The following CD74 variants were observed in gnomAD, a reference collection of about 807,000 sequenced individuals.
CD74 encodes the protein HLA class II histocompatibility antigen gamma chain.
Under a neutral mutation model 37.1 loss-of-function variants are expected in CD74, and 20 were observed. The ratio of observed to expected loss-of-function variants is 0.54; its 90% CI spans 0.38 to 0.78. The LOEUF is 0.78. Ranked by LOEUF, CD74 falls within the 30% of genes least tolerant of loss-of-function variation. The pLI is 0.00. For synonymous variants in CD74, 150 were observed against 152.0 expected, an observed-to-expected ratio of 0.99 and a Z score of 0.10; for missense variants, 338 against 389.5, an observed-to-expected ratio of 0.87 and a Z score of 1.11.
At chr5:150,408,613 C>T (rs1204936800) in intron 1 of CD74, among the ~76,000 whole-genome samples, 1 of 152,160 alleles carries the variant, frequency 6.6e-6, no homozygotes, top group East Asian at 1.9e-4. Flanking sequence ...TCCAGACCCT[C>T]GGACCTCAGC....
At chr5:150,412,505 T>G in intron 1 of CD74, 120 bp downstream of exon 1, 3 of 759,710 alleles carry the variant, frequency 3.9e-6, no homozygotes, top group Non-Finnish European at 4.4e-6. Flanking sequence ...AAAAAGTCAA[T>G]GTTAGAGTCA....
In CD74 at chr5:150,407,713, G is replaced by A. The variant is rs1770066206; in HGVS notation, c.126-389C>T. Among the ~76,000 whole-genome samples the A allele has an allele frequency of 1.3e-5, 2 of 152,116 alleles. No homozygotes were observed. The highest frequency in any genetic ancestry group is 4.1e-4 in the South Asian group (2 of 4,822). ...GCCGTGCGGATCTCCTGATGATCAG[G>A]GCTGCCCTCAAGGGGAACAGGTTTG... On this transcript the variant is annotated intron_variant, in intron 1 of 8. Coordinates refer to ENST00000009530, the MANE Select transcript of CD74 (RefSeq NM_001025159.3). The surrounding 1 kb of genome is among the most constrained non-coding windows in gnomAD (Gnocchi z 4.4).
At chr5:150,404,163 CAA>C (rs921497061) in intron 6 of CD74, among the ~76,000 whole-genome samples, 2 of 152,124 alleles carry the variant, frequency 1.3e-5, no homozygotes, top group Non-Finnish European at 2.9e-5. Context: ...GGGACTTGTC[CAA>C]AGTTACATAG....
intron 1 of CD74, among the ~76,000 whole-genome samples, chr5:150,410,710 A>C (rs2151185232): frequency 6.6e-6 from 1 of 151,186 alleles, no homozygotes; most frequent in Non-Finnish European, 1.5e-5. Flanking sequence ...CAAAGTCAGG[A>C]GCCAACCAGA....
Position 150,406,955 on chromosome 5 carries a change from TG to T in CD74, c.303del (p.Lys102SerfsTer3). 1 of 1,569,902 alleles carries T rather than the reference TG, an allele frequency of 6.4e-7. No homozygotes were observed. Among genetic ancestry groups the T allele is most frequent in the Non-Finnish European group, 8.6e-7 (1 of 1,164,752 alleles). ...ENLRMKLPKPPKPVSKMRMAT... is the reference protein window; with the variant it reads ...ENLRMKLPKPXKPVSKMRMAT... ...GCCATGCGCATCTTGCTCACAGGCTTGGGAGCTGTGGGGACAGGAACGAGGG... is the reference window on the plus strand; with the variant it reads ...GCCATGCGCATCTTGCTCACAGGCTTGGAGCTGTGGGGACAGGAACGAGGG... On this transcript the variant is annotated frameshift_variant, in exon 3 of 9. Transcript: ENST00000009530. LOFTEE classifies it high-confidence loss of function.
intron 4 of CD74, 120 bp downstream of exon 4, chr5:150,406,139 G>T: frequency 1.3e-6 from 1 of 775,530 alleles, no homozygotes; most frequent in Non-Finnish European, 2.3e-6. Context: ...CTTGTATTCA[G>T]TAATCCAGAG....
At position 150,407,138 on chromosome 5, in the gene CD74, A is replaced by AG; in HGVS notation, c.298+13dup. The AG allele has an allele frequency of 6.2e-7, 1 of 1,610,242 alleles. No individual in the cohort carries two copies. The highest frequency in any genetic ancestry group is 8.5e-7 in the Non-Finnish European group (1 of 1,177,904). On this transcript the variant is annotated intron_variant, in intron 2 of 8. Coordinates refer to ENST00000009530, the MANE Select transcript of CD74 (RefSeq NM_001025159.3). The surrounding 1 kb of genome is among the most constrained non-coding windows in gnomAD (Gnocchi z 4.4). The stretch of plus-strand genomic sequence containing the variant: ...TGGGAGGTGGGGGGTATCAGGATGT[A>AG]GGGGTGCACGCACGCTTGGGAAGCT...
rs2151167331 is a variant in CD74, at chr5:150,402,598, G to A, written c.845C>T (p.Ser282Phe). The change falls in exon 8 of 9, where the codon TCT (serine) becomes TTT (phenylalanine). Residue 282 changes from serine to phenylalanine, a missense_variant. Physicochemically the swap from Ser to Phe is radical, Grantham distance 155. Transcript: ENST00000009530. This position sits in a 1 kb window ranked among gnomAD's most constrained non-coding sequence, Gnocchi z 4.2. ...SESLELEDPS[S>F]GLGVTKQDLG... is the part of the protein sequence containing the mutation. ...ATCCTGCTTGGTCACACCCAGCCCA[G>A]AAGACGGGTCCTCCAGTTCCAGTGA... 6.2e-7 allele frequency: 1 copy of A among 1,613,206 alleles called. No homozygotes were observed.
rs550497529 is a variant in CD74, at chr5:150,408,739, C to T, written c.126-1415G>A. 1.6e-4 allele frequency among the ~76,000 whole-genome samples: 25 copies of T among 152,292 alleles called. 1 individual carries two copies. Among genetic ancestry groups the T allele is most frequent in the African/African-American group, 4.8e-4 (20 of 41,560 alleles). Reference sequence around the variant, plus strand: ...CAGGAGTTTCTGATCTGTTCTTTGACGACCCCAGGGGTGGGACTACTAAGA... The same window carrying T: ...CAGGAGTTTCTGATCTGTTCTTTGATGACCCCAGGGGTGGGACTACTAAGA... On this transcript the variant is annotated intron_variant, in intron 1 of 8. Coordinates refer to ENST00000009530, the MANE Select transcript of CD74 (RefSeq NM_001025159.3).
chr5:150,403,441 C>T lies in CD74; in HGVS notation c.626-129G>A. ...TCTTCCCAAGTGGCTTTACTCACTC[C>T]AGCCATCACACGGATGGGAAAACTG... is the stretch of plus-strand genomic sequence containing the variant. On this transcript the variant is annotated intron_variant, in intron 6 of 8. Coordinates refer to ENST00000009530, the MANE Select transcript of CD74 (RefSeq NM_001025159.3). The surrounding 1 kb of genome is among the most constrained non-coding windows in gnomAD (Gnocchi z 4.5). The T allele has an allele frequency of 2.5e-6, 2 of 791,386 alleles. No homozygotes were observed. Among genetic ancestry groups the T allele is most frequent in the South Asian group, 3.2e-5 (2 of 62,606 alleles). The allele number at this position is 791,386 out of a possible 1,614,324, so 49.0% of individuals were successfully genotyped here. A position where few individuals can be genotyped will look rare whatever the true frequency, so the allele number is the denominator to read the frequency against.
In CD74 at chr5:150,412,767, C is replaced by G. The variant is rs766648871; in HGVS notation, c.-18G>C. Reference sequence around the variant, plus strand: ...CTGTGCATCTGGGACCCTGACCCCCCGGCTCGCCTCTTAAAGTCGGTGCTG... The same window carrying G: ...CTGTGCATCTGGGACCCTGACCCCCGGGCTCGCCTCTTAAAGTCGGTGCTG... On this transcript the variant is annotated 5_prime_UTR_variant, in exon 1 of 9. Transcript: ENST00000009530. The G allele has an allele frequency of 1.2e-6, 2 of 1,613,548 alleles. No homozygotes were observed. Among genetic ancestry groups the G allele is most frequent in the Non-Finnish European group, 1.7e-6 (2 of 1,179,800 alleles).
In CD74 at chr5:150,402,558, C is replaced by G. The variant is rs1224281885; in HGVS notation, c.880+5G>C. The G allele has an allele frequency of 6.2e-7, 1 of 1,613,758 alleles. No homozygotes were observed. The highest frequency in any genetic ancestry group is 2.2e-5 in the East Asian group (1 of 44,880). On this transcript the variant is annotated splice_donor_5th_base_variant and intron_variant, in intron 8 of 8. Coordinates refer to ENST00000009530, the MANE Select transcript of CD74 (RefSeq NM_001025159.3). The surrounding 1 kb of genome is among the most constrained non-coding windows in gnomAD (Gnocchi z 4.2). ...TGACCAGATGCCCCTCTGCAAGGCC[C>G]TTACCTGGGCCCAGATCCTGCTTGG...
intron 1 of CD74, among the ~76,000 whole-genome samples, chr5:150,409,668 G>C (rs962514552): frequency 1.3e-5 from 2 of 149,988 alleles, no homozygotes; most frequent in Non-Finnish European, 3.0e-5. Flanking sequence ...ATTCCATCCT[G>C]GGGGATAGAG....
Position 150,402,245 on chromosome 5 carries a change from T to C in CD74, c.886A>G (p.Met296Val), listed in dbSNP as rs764784915. The C allele has an allele frequency of 1.9e-6, 3 of 1,600,320 alleles. No homozygotes were observed. Among genetic ancestry groups the C allele is most frequent in the Non-Finnish European group, 2.6e-6 (3 of 1,172,652 alleles). Residue 296 changes from methionine (M) to valine (V), a missense_variant, in exon 9 of 9, where the codon ATG becomes GTG. Physicochemically the swap from Met to Val is conservative, Grantham distance 21. Transcript: ENST00000009530. This position sits in a 1 kb window ranked among gnomAD's most constrained non-coding sequence, Gnocchi z 4.2. ...VTKQDLGPVP[M>V] ...GAAGACCGCCTCTGCTGCTCTCACA[T>C]GGGGACTGGAGAGAGAAGCAGCAGG...
At position 150,412,814 on chromosome 5, in the gene CD74, C is replaced by T. The variant is rs1370193783; in HGVS notation, c.-65G>A. On this transcript the variant is annotated 5_prime_UTR_variant, in exon 1 of 9. In the 5' UTR this introduces an upstream ATG that the reference lacks. Transcript: ENST00000009530. ...GCTGGAGAGGAATCTGATTCGTCCA[C>T]AGAAGGCCACTCCGCCCACTTGGTA... 11 of 1,602,694 alleles carry T rather than the reference C, an allele frequency of 6.9e-6. No homozygotes were observed. Among genetic ancestry groups the T allele is most frequent in the South Asian group, 4.4e-5 (4 of 90,422 alleles).
Position 150,412,638 on chromosome 5 carries a change from C to G in CD74, c.112G>C (p.Gly38Arg). The G allele has an allele frequency of 6.2e-7, 1 of 1,613,244 alleles. No homozygotes were observed. Among genetic ancestry groups the G allele is most frequent in the Non-Finnish European group, 8.5e-7 (1 of 1,179,890 alleles). The change falls in exon 1 of 9, where the codon GGG becomes CGG. Residue 38 changes from glycine (G) to arginine (R), a missense_variant. By Grantham distance (125) the Gly-to-Arg change is moderately radical. Transcript: ENST00000009530. ...EQLPMLGRRPGAPESKCSRGA... is the reference protein window; with the variant it reads ...EQLPMLGRRPRAPESKCSRGA... The stretch of plus-strand genomic sequence containing the variant: ...GCTCACACATACCTCTCCGGGGCCC[C>G]AGGGCGCCGGCCCAGCATGGGCAGT...
rs1020740669 is a variant in CD74, at chr5:150,412,901, G to A, written c.-152C>T. ...CCACTTTGGTGAAGCTGCCTTTTGC[G>A]GGGCAGGATGTGGGGCGGGGGGGCT... On this transcript the variant is annotated 5_prime_UTR_variant, in exon 1 of 9. Transcript: ENST00000009530. The A allele has an allele frequency of 5.3e-5, 80 of 1,508,964 alleles. 1 individual carries two copies. Among genetic ancestry groups the A allele is most frequent in the Non-Finnish European group, 6.0e-5 (68 of 1,132,142 alleles). The allele number at this position is 1,508,964 out of a possible 1,614,324, so 93.5% of individuals were successfully genotyped here. A position where few individuals can be genotyped will look rare whatever the true frequency, so the allele number is the denominator to read the frequency against.
rs1296765584 is a variant in CD74, at chr5:150,407,285, G to T, written c.165C>A (p.Ile55=). 1.2e-6 allele frequency: 2 copies of T among 1,612,772 alleles called. No individual in the cohort carries two copies. Among genetic ancestry groups the T allele is most frequent in the Non-Finnish European group, 1.7e-6 (2 of 1,179,494 alleles). ...SRGALYTGFS[I]LVTLLLAGQA... ...GGCCAGCGAGGAGCAGAGTCACCAG[G>T]ATGGAAAAGCCTGTGTACAGGGCTC... Residue 55 remains isoleucine (I), a synonymous_variant, in exon 2 of 9, where the codon ATC becomes ATA. Transcript: ENST00000009530. This position sits in a 1 kb window ranked among gnomAD's most constrained non-coding sequence, Gnocchi z 4.4.
intron 6 of CD74, chr5:150,404,421 C>T (rs1320271025): frequency 4.0e-6 from 2 of 500,492 alleles, no homozygotes; most frequent in Non-Finnish European, 7.3e-6. Context: ...AGAGAGGTCA[C>T]CTGTACCCTG....
Sources: allele counts gnomAD v4.1 joint callset (sites outside exome capture counted in the v4.1 genomes callset), GRCh38; gene constraint gnomAD v4.1.1; non-coding constraint Gnocchi (gnomAD v3.1); transcripts MANE v1.5; gene names NCBI Gene and HGNC (gene_info 2026-07-23, HGNC 2026-07-21).